The following NMD3 variants were observed in gnomAD, a reference collection of about 807,000 sequenced individuals.
The protein encoded by NMD3 is 60S ribosomal export protein NMD3.
In NMD3, 47 loss-of-function variants were observed where a neutral mutation model predicts 73.1. That is an observed-to-expected ratio of 0.64 (90% CI 0.51 to 0.82). The LOEUF (loss-of-function observed/expected upper bound fraction) is 0.82. Among genes scored for constraint, NMD3 ranks in the 40% least tolerant of loss-of-function variants. The probability of loss-of-function intolerance (pLI) is 0.00; values close to 1 mark genes in which losing one functional copy is unlikely to be tolerated. For missense variants in NMD3, 554 were observed against 612.5 expected (o/e 0.90, Z 1.01); for synonymous variants, 210 against 194.5 (o/e 1.08, Z -0.66).
At position 161,235,109 on chromosome 3, in the gene NMD3, AT is replaced by A; in HGVS notation, c.487-10del. On this transcript the variant is annotated splice_polypyrimidine_tract_variant and intron_variant, in intron 6 of 15. Transcript: ENST00000351193. ...TTGTGGGGCATTTATTGATCAAATA[AT>A]TTATATTTTAGACTTTGCATAAAAA... The A allele has an allele frequency of 7.5e-7, 1 of 1,329,618 alleles. No individual in the cohort carries two copies. 82.4% of individuals were successfully genotyped at this position (1,329,618 alleles called of 1,614,324 possible).
At chr3:161,223,547 A>T (rs1474514874) in intron 2 of NMD3, among the ~76,000 whole-genome samples, 2 of 152,068 alleles carry the variant, frequency 1.3e-5, no homozygotes, top group Non-Finnish European at 2.9e-5. Flanking sequence ...TTCTGTTAGA[A>T]ATGATTTAGA....
At position 161,227,316 on chromosome 3, in the gene NMD3, G is replaced by A. The variant is rs764215323; in HGVS notation, c.249G>A (p.Leu83=). Residue 83 remains leucine (L), a synonymous_variant, in exon 4 of 16, where the codon TTG becomes TTA. Coordinates refer to ENST00000351193, the MANE Select transcript of NMD3 (RefSeq NM_015938.5). ...LESRELLALC[L]KKIKAPLSKV... ...CCAGGGAACTTCTTGCTTTGTGCTT[G>A]AAAAAAATCAAAGCCCCTCTGAGTA... 1.9e-6 allele frequency: 3 copies of A among 1,599,400 alleles called. No individual in the cohort carries two copies. Among genetic ancestry groups the A allele is most frequent in the Non-Finnish European group, 2.6e-6 (3 of 1,170,832 alleles).
rs773947900 is a variant in NMD3, at chr3:161,235,215, G to A, written c.577+3G>A. The A allele has an allele frequency of 7.2e-7, 1 of 1,391,002 alleles. No individual in the cohort carries two copies. Among genetic ancestry groups the A allele is most frequent in the South Asian group, 1.3e-5 (1 of 77,898 alleles). 86.2% of individuals were successfully genotyped at this position (1,391,002 alleles called of 1,614,324 possible). A position where few individuals can be genotyped will look rare whatever the true frequency, so the allele number is the denominator to read the frequency against. On this transcript the variant is annotated splice_donor_region_variant and intron_variant, in intron 7 of 15. Coordinates refer to ENST00000351193, the MANE Select transcript of NMD3 (RefSeq NM_015938.5). ...ACTTCGTATCAAAGAGATTCATGGT[G>A]AGTTAAAACTCAAAAGCATTTGAAA... is the stretch of plus-strand genomic sequence containing the variant.
intron 11 of NMD3, among the ~76,000 whole-genome samples, chr3:161,244,163 C>T (rs1407692012): frequency 6.6e-6 from 1 of 152,134 alleles, no homozygotes; most frequent in African/African-American, 2.4e-5. Context: ...CATGATCTTG[C>T]CGTGTTGTTT....
At chr3:161,242,722 TA>T (rs1737041598) in intron 11 of NMD3, 69 bp downstream of exon 11, 17 of 1,477,390 alleles carry the variant, frequency 1.2e-5, no homozygotes, top group South Asian at 2.7e-5. Context: ...GTCCCTCTTT[TA>T]AAAAAAATTT....
intron 12 of NMD3, among the ~76,000 whole-genome samples, chr3:161,246,932 T>A (rs1470836931): frequency 1.9e-5 from 2 of 108,054 alleles, no homozygotes; most frequent in East Asian, 1.0e-3. Flanking sequence ...CAGAATGAGG[T>A]GTTTTTTTTT....
At chr3:161,241,665 C>T (rs562579381) in intron 10 of NMD3, among the ~76,000 whole-genome samples, 21 of 152,180 alleles carry the variant, frequency 1.4e-4, no homozygotes, top group East Asian at 9.7e-4. Context: ...GTGATCTGCC[C>T]GCCTCGGCCT....
chr3:161,229,930 T>TAATA (rs1736467764), intron 4 of NMD3, among the ~76,000 whole-genome samples: 1 of 152,138 alleles, frequency 6.6e-6, no homozygotes, highest in Non-Finnish European at 1.5e-5. Context: ...TGGACGACCT[T>TAATA]AATAACATGG....
chr3:161,249,549 A>G lies in NMD3; in HGVS notation c.1299A>G (p.Thr433=), dbSNP rs527557357. 2,184 of 1,591,146 alleles carry G rather than the reference A, an allele frequency of 1.4e-3. 41 individuals carry two copies. The South Asian group carries it at 0.023, about 17-fold the overall frequency. The change falls in exon 14 of 16, where the codon ACA becomes ACG. Residue 433 remains threonine, a synonymous_variant. Coordinates refer to ENST00000351193, the MANE Select transcript of NMD3 (RefSeq NM_015938.5). ...ELARERENMD[T]DDERQYQDFL... The stretch of plus-strand genomic sequence containing the variant: ...CAAGAGAGAGAGAAAACATGGATAC[A>G]GATGATGAAAGGTCTCGCTTTTCTT...
intron 10 of NMD3, among the ~76,000 whole-genome samples, chr3:161,241,438 T>G (rs1157603497): frequency 6.7e-6 from 1 of 149,444 alleles, no homozygotes; most frequent in African/African-American, 2.5e-5. Context: ...TTTTTTTTTT[T>G]GAGATGGAGT....
rs771231311 is a variant in NMD3, at chr3:161,246,423, C to T, written c.1105C>T (p.Leu369=). 4 of 1,501,804 alleles carry T rather than the reference C, an allele frequency of 2.7e-6. No homozygotes were observed. In the South Asian group the frequency reaches 5.2e-5, roughly 20 times the overall value. 93.0% of individuals were successfully genotyped at this position (1,501,804 alleles called of 1,614,324 possible). ...TTGTCGTACTCATTTGGGACATCTT[C>T]TAAATCCCGGAGACCTGGTGTTAGG... ...YFCRTHLGHL[L]NPGDLVLGFD... Residue 369 remains leucine (L), a synonymous_variant, in exon 12 of 16, where the codon CTA becomes TTA. Transcript: ENST00000351193.
At chr3:161,227,063 A>G (rs1736346677) in intron 3 of NMD3, among the ~76,000 whole-genome samples, 184 bp from the exon 4 acceptor site, 1 of 152,178 alleles carries the variant, frequency 6.6e-6, no homozygotes, top group Admixed American at 6.5e-5. Flanking sequence ...TACCTTTTTA[A>G]TTAAAGCTGC....
chr3:161,236,395 G>A (rs1215833400), intron 7 of NMD3, among the ~76,000 whole-genome samples: 2 of 152,030 alleles, frequency 1.3e-5, no homozygotes, highest in Non-Finnish European at 2.9e-5. Flanking sequence ...GTATGAAGTG[G>A]TATCTCATTG....
At chr3:161,243,415 G>C (rs868814786) in intron 11 of NMD3, among the ~76,000 whole-genome samples, 2 of 152,106 alleles carry the variant, frequency 1.3e-5, no homozygotes, top group East Asian at 1.9e-4. Flanking sequence ...ATGGATAAGG[G>C]GGGGATTACT....
chr3:161,225,665 A>G (rs537984729), intron 3 of NMD3, among the ~76,000 whole-genome samples: 7 of 152,290 alleles, frequency 4.6e-5, no homozygotes, highest in South Asian at 2.1e-4. Flanking sequence ...GAGTAACACA[A>G]AACTGCCTAA....
At position 161,222,189 on chromosome 3, in the gene NMD3, C is replaced by A. The variant is rs1364438159; in HGVS notation, c.44+132C>A. 1.7e-5 allele frequency: 12 copies of A among 722,990 alleles called. No individual in the cohort carries two copies. The East Asian group carries it at 2.8e-4, about 17-fold the overall frequency. The allele number at this position is 722,990 out of a possible 1,614,324, so 44.8% of individuals were successfully genotyped here. ...GTCATAAATGGGAAAAAATAGAAGT[C>A]TTATTTCTGTAGAAAATCGAATTAG... On this transcript the variant is annotated intron_variant, in intron 2 of 15. Transcript: ENST00000351193.
chr3:161,244,976 T>C (rs768818745), intron 11 of NMD3, among the ~76,000 whole-genome samples: 1 of 152,152 alleles, frequency 6.6e-6, no homozygotes. Flanking sequence ...GACGTGACTC[T>C]CCTGGTCTTT....
chr3:161,251,813 A>G lies in NMD3; in HGVS notation c.*903A>G, dbSNP rs1323552935. On this transcript the variant is annotated 3_prime_UTR_variant, in exon 16 of 16. Transcript: ENST00000351193. ...AATGAGGTACATACTTTATAAAACC[A>G]TTAATCAGATTTGAATGAGGAATGC... 1.3e-5 allele frequency: 2 copies of G among 152,350 alleles called. No individual in the cohort carries two copies. The highest frequency in any genetic ancestry group is 4.1e-4 in the South Asian group (2 of 4,828). The allele number at this position is 152,350 out of a possible 1,614,324, so 9.4% of individuals were successfully genotyped here.
At chr3:161,228,631 T>C (rs1188042916) in intron 4 of NMD3, among the ~76,000 whole-genome samples, 1 of 152,134 alleles carries the variant, frequency 6.6e-6, no homozygotes, top group Non-Finnish European at 1.5e-5. Flanking sequence ...ATACTTGGGG[T>C]TTTTGTCAAA....
Sources: gnomAD v4.1 joint callset for allele counts (sites outside exome capture counted in the v4.1 genomes callset) on GRCh38, gnomAD v4.1.1 for gene constraint, MANE v1.5 for transcripts, NCBI Gene and HGNC (gene_info 2026-07-23, HGNC 2026-07-21) for gene names.